MIPEP: variants seen among roughly 807,000 people sequenced by gnomAD.
MIPEP encodes mitochondrial intermediate peptidase.
A neutral mutation model predicts 90.3 loss-of-function variants in MIPEP; 79 were observed. The ratio of observed to expected loss-of-function variants is 0.87; its 90% CI spans 0.73 to 1.05. The LOEUF (loss-of-function observed/expected upper bound fraction) is 1.05, where lower values mean the gene tolerates loss of function less well. Among genes scored for constraint, MIPEP ranks in the 50% least tolerant of loss-of-function variants. The pLI is 0.00. For synonymous variants in MIPEP, 334 were observed against 315.8 expected (o/e 1.06, Z -0.61); for missense variants, 940 against 905.6 (o/e 1.04, Z -0.49).
At chr13:23,854,565 T>C (rs1869966945) in intron 10 of MIPEP, among the ~76,000 whole-genome samples, 1 of 152,138 alleles carries the variant, frequency 6.6e-6, no homozygotes, top group Non-Finnish European at 1.5e-5. Flanking sequence ...CAATACTGAA[T>C]TCCCTTTCCC....
intron 14 of MIPEP, among the ~76,000 whole-genome samples, chr13:23,817,850 G>C (rs1242237883): frequency 6.6e-6 from 1 of 152,060 alleles, no homozygotes; most frequent in Non-Finnish European, 1.5e-5. Context: ...TAAACATTCA[G>C]TGTTTACTGA....
intron 16 of MIPEP, among the ~76,000 whole-genome samples, chr13:23,790,669 G>A (rs1302588971): frequency 6.6e-6 from 1 of 152,190 alleles, no homozygotes; most frequent in Non-Finnish European, 1.5e-5. Context: ...CTCATGGAGT[G>A]GGGAGAGGCA....
chr13:23,759,787 G>A (rs979009033), intron 17 of MIPEP, among the ~76,000 whole-genome samples: 1 of 152,150 alleles, frequency 6.6e-6, no homozygotes, highest in Non-Finnish European at 1.5e-5. Context: ...AAACCCACAG[G>A]AGCAGCAGGG....
At chr13:23,871,995 C>T (rs1292429022) in intron 5 of MIPEP, among the ~76,000 whole-genome samples, 1 of 152,190 alleles carries the variant, frequency 6.6e-6, no homozygotes, top group African/African-American at 2.4e-5. Context: ...AAACTGAGTT[C>T]ATGCCAACTT....
intron 16 of MIPEP, among the ~76,000 whole-genome samples, chr13:23,784,427 CT>C: frequency 6.6e-6 from 1 of 152,178 alleles, no homozygotes; most frequent in Non-Finnish European, 1.5e-5. Flanking sequence ...GGAAAACTGG[CT>C]AGCCATATGT....
At chr13:23,824,251 TA>T (rs1284961415) in intron 14 of MIPEP, among the ~76,000 whole-genome samples, 1 of 152,240 alleles carries the variant, frequency 6.6e-6, no homozygotes, top group Non-Finnish European at 1.5e-5. Flanking sequence ...CTAATTTAAA[TA>T]ACATTACATT....
In MIPEP at chr13:23,841,504, G is replaced by A. The variant is rs761237341; in HGVS notation, c.1107-16C>T. On this transcript the variant is annotated splice_polypyrimidine_tract_variant and intron_variant, in intron 10 of 18. Coordinates refer to ENST00000382172, the MANE Select transcript of MIPEP (RefSeq NM_005932.4). ...AATATTATACCTAAGAGAAGGAAGA[G>A]AGGTTCAACAGCATCTTTGTTTATT... 2 of 1,585,480 alleles carry A rather than the reference G, an allele frequency of 1.3e-6. No individual in the cohort carries two copies. Among genetic ancestry groups the A allele is most frequent in the Admixed American group, 1.9e-5 (1 of 52,134 alleles).
intron 14 of MIPEP, among the ~76,000 whole-genome samples, chr13:23,831,250 G>A (rs1308772933): frequency 6.6e-6 from 1 of 152,070 alleles, no homozygotes; most frequent in African/African-American, 2.4e-5. Context: ...TGAAGAAATT[G>A]CAAATCTAGG....
In MIPEP at chr13:23,868,286, G is replaced by A. The variant is rs147098177; in HGVS notation, c.943+1006C>T. ...GCTGCTCTCCATAGGAGAGTGACAC[G>A]AGCAAGGGAACCCAGGCCGCAATGA... On this transcript the variant is annotated intron_variant, in intron 7 of 18. Transcript: ENST00000382172. Among the ~76,000 whole-genome samples the A allele has an allele frequency of 3.2e-4, 49 of 152,276 alleles. 1 individual carries two copies. The South Asian group carries it at 4.8e-3, about 15-fold the overall frequency.
At chr13:23,762,979 G>A (rs1269343051) in intron 16 of MIPEP, among the ~76,000 whole-genome samples, 1 of 152,212 alleles carries the variant, frequency 6.6e-6, no homozygotes, top group Non-Finnish European at 1.5e-5. Context: ...GTGAAGGGCA[G>A]AGAAAGGTAG....
At chr13:23,769,345 A>G (rs897166680) in intron 16 of MIPEP, among the ~76,000 whole-genome samples, 19 of 152,210 alleles carry the variant, frequency 1.2e-4, no homozygotes, top group Admixed American at 1.0e-3. Flanking sequence ...CATGATAATC[A>G]TAAGTCCTTC....
chr13:23,829,043 G>C (rs930158940), intron 14 of MIPEP, among the ~76,000 whole-genome samples: 4 of 152,178 alleles, frequency 2.6e-5, no homozygotes, highest in East Asian at 1.9e-4. Flanking sequence ...ACTGACAATT[G>C]CATGTACATG....
At chr13:23,848,911 A>G (rs1398104479) in intron 10 of MIPEP, among the ~76,000 whole-genome samples, 2 of 152,234 alleles carry the variant, frequency 1.3e-5, no homozygotes, top group Non-Finnish European at 2.9e-5. Flanking sequence ...AAGAGATTCA[A>G]AAAGCTACAG....
In MIPEP at chr13:23,804,008, A is replaced by C. The variant is rs573344433; in HGVS notation, c.1848+1942T>G. On this transcript the variant is annotated intron_variant, in intron 16 of 18. Coordinates refer to ENST00000382172, the MANE Select transcript of MIPEP (RefSeq NM_005932.4). ...GGAGCTAATCCCAGTAAAGAGATAC[A>C]TCTTTCTATTTTCTCAAAAGGAATT... Among the ~76,000 whole-genome samples, 20 of 152,324 alleles carry C rather than the reference A, an allele frequency of 1.3e-4. No homozygotes were observed. In the Middle Eastern group the frequency reaches 0.014, roughly 104 times the overall value.
chr13:23,784,535 C>T (rs1183727101), intron 16 of MIPEP, among the ~76,000 whole-genome samples: 1 of 152,030 alleles, frequency 6.6e-6, no homozygotes, highest in Non-Finnish European at 1.5e-5. Flanking sequence ...CATAAAAACC[C>T]AAGAAGAAAA....
chr13:23,855,788 A>G (rs148157335), intron 10 of MIPEP, among the ~76,000 whole-genome samples: 11 of 152,206 alleles, frequency 7.2e-5, no homozygotes, highest in Non-Finnish European at 1.5e-4. Context: ...CTGAGTTAAT[A>G]GTCAAATAAA....
chr13:23,746,154 A>T (rs948463033), intron 18 of MIPEP, among the ~76,000 whole-genome samples: 1 of 150,278 alleles, frequency 6.7e-6, no homozygotes, highest in African/African-American at 2.4e-5. Flanking sequence ...AGCTGGGGCT[A>T]TACGTACATG....
intron 16 of MIPEP, among the ~76,000 whole-genome samples, chr13:23,762,077 A>G (rs1250877337): frequency 1.3e-5 from 2 of 152,180 alleles, no homozygotes; most frequent in Non-Finnish European, 2.9e-5. Flanking sequence ...GTGAGCTAAG[A>G]TCGCACCACT....
intron 10 of MIPEP, among the ~76,000 whole-genome samples, chr13:23,857,985 GA>G (rs553005889): frequency 3.4e-5 from 5 of 148,932 alleles, no homozygotes; most frequent in Admixed American, 1.3e-4. Flanking sequence ...CTTTAATGAG[GA>G]AAAAAAAACA....
Sources: gnomAD v4.1 joint callset for allele counts (sites outside exome capture counted in the v4.1 genomes callset) on GRCh38, gnomAD v4.1.1 for gene constraint, MANE v1.5 for transcripts, NCBI Gene and HGNC (gene_info 2026-07-23, HGNC 2026-07-21) for gene names.